Variants in RNF185 observed in about 807,000 individuals in gnomAD.
The protein encoded by RNF185 is E3 ubiquitin-protein ligase RNF185.
In RNF185, 13 loss-of-function variants were observed where a neutral mutation model predicts 24.9. That is an observed-to-expected ratio of 0.52 (90% CI 0.34 to 0.83). The LOEUF (loss-of-function observed/expected upper bound fraction) is 0.83. Among genes scored for constraint, RNF185 ranks in the 40% least tolerant of loss-of-function variants. The probability of loss-of-function intolerance (pLI) is 0.01; values close to 1 mark genes in which losing one functional copy is unlikely to be tolerated. For synonymous variants in RNF185, 79 were observed against 90.3 expected (o/e 0.88, Z 0.71); for missense variants, 184 against 244.7 (o/e 0.75, Z 1.65).
At chr22:31,170,419 T>G (rs1167492005) in intron 1 of RNF185, among the ~76,000 whole-genome samples, 5 of 152,124 alleles carry the variant, frequency 3.3e-5, no homozygotes, top group Non-Finnish European at 4.4e-5. Context: ...TCGATCTCCT[T>G]ACCTTGTGAT....
chr22:31,204,005 C>T (rs967264165), intron 6 of RNF185, among the ~76,000 whole-genome samples: 7 of 147,798 alleles, frequency 4.7e-5, no homozygotes, highest in Non-Finnish European at 8.9e-5. Context: ...CGTGCCATTG[C>T]ACTCCAGCCT....
intron 1 of RNF185, 27 bp from the exon 2 acceptor site, chr22:31,187,020 G>T: frequency 1.4e-6 from 2 of 1,459,032 alleles, no homozygotes; most frequent in Non-Finnish European, 9.3e-7. Flanking sequence ...TGCAGAAATG[G>T]ACAGTCAAGA....
chr22:31,160,503 A>G (rs1923498327), intron 1 of RNF185, among the ~76,000 whole-genome samples, 200 bp downstream of exon 1: 1 of 152,146 alleles, frequency 6.6e-6, no homozygotes, highest in South Asian at 2.1e-4. Flanking sequence ...AGATTGGGGA[A>G]ACTGAGGCCT....
chr22:31,185,122 G>T (rs569840571), intron 1 of RNF185, among the ~76,000 whole-genome samples: 23 of 152,076 alleles, frequency 1.5e-4, no homozygotes, highest in African/African-American at 5.5e-4. Context: ...GTAATATGAA[G>T]AAGAGGAAGG....
intron 1 of RNF185, among the ~76,000 whole-genome samples, chr22:31,183,411 C>G (rs935909692): frequency 2.7e-4 from 40 of 149,802 alleles, no homozygotes; most frequent in African/African-American, 9.1e-4. Flanking sequence ...ATTTATTGAT[C>G]ATTCTTGGGT....
rs1214526965 is a variant in RNF185 at position 31,204,614 on chromosome 22, A to G, written c.*28A>G. On this transcript the variant is annotated 3_prime_UTR_variant, in exon 7 of 7. Transcript: ENST00000326132. Reference sequence around the variant, plus strand: ...CTGGGCTCCTGCCTACATCCGTGGCAGGGCTCTGGACTGGTGACGTGCCAC... The same window carrying G: ...CTGGGCTCCTGCCTACATCCGTGGCGGGGCTCTGGACTGGTGACGTGCCAC... The G allele has an allele frequency of 3.4e-6, 5 of 1,466,604 alleles. No homozygotes were observed. The highest frequency in any genetic ancestry group is 1.1e-5 in the South Asian group (1 of 88,048). The allele number at this position is 1,466,604 out of a possible 1,614,324, so 90.8% of individuals were successfully genotyped here.
At chr22:31,200,914 T>C (rs367845580) in intron 5 of RNF185, among the ~76,000 whole-genome samples, 14 of 152,392 alleles carry the variant, frequency 9.2e-5, no homozygotes, top group African/African-American at 2.9e-4. Flanking sequence ...GTCATGTAGT[T>C]GTGACCACAG....
intron 1 of RNF185, among the ~76,000 whole-genome samples, chr22:31,169,747 C>T (rs1924162955): frequency 3.9e-5 from 6 of 152,146 alleles, no homozygotes; most frequent in Admixed American, 3.9e-4. Flanking sequence ...GGGGTTTTGC[C>T]ATGTTACCCA....
chr22:31,191,060 A>G (rs927505785), intron 2 of RNF185, among the ~76,000 whole-genome samples: 2 of 152,188 alleles, frequency 1.3e-5, no homozygotes, highest in African/African-American at 4.8e-5. Context: ...GTGTAAGTAC[A>G]CTCTGTGATG....
chr22:31,163,880 G>C (rs370240347), intron 1 of RNF185, among the ~76,000 whole-genome samples: 1 of 151,692 alleles, frequency 6.6e-6, no homozygotes, highest in East Asian at 1.9e-4. Flanking sequence ...CACCATGTTG[G>C]CCAGGATGGT....
chr22:31,170,298 C>T (rs1464283445), intron 1 of RNF185, among the ~76,000 whole-genome samples: 2 of 152,126 alleles, frequency 1.3e-5, no homozygotes, highest in African/African-American at 4.8e-5. Context: ...ATGCCATTCT[C>T]CTGCCTCAGC....
intron 1 of RNF185, among the ~76,000 whole-genome samples, chr22:31,183,441 T>C (rs1602820332): frequency 6.6e-6 from 1 of 152,018 alleles, no homozygotes; most frequent in African/African-American, 2.4e-5. Context: ...AGAGGGGGAT[T>C]TGGCAGGGTC....
intron 1 of RNF185, among the ~76,000 whole-genome samples, chr22:31,174,110 T>C (rs1266895255): frequency 6.6e-6 from 1 of 152,218 alleles, no homozygotes; most frequent in Admixed American, 6.5e-5. Flanking sequence ...CTGTTTTATC[T>C]CTATTTCTTA....
At chr22:31,174,971 G>A (rs2047966972) in intron 1 of RNF185, among the ~76,000 whole-genome samples, 1 of 151,932 alleles carries the variant, frequency 6.6e-6, no homozygotes, top group Non-Finnish European at 1.5e-5. Context: ...TACTTGGGAG[G>A]CTGAGATGGG....
At chr22:31,192,845 A>G in intron 3 of RNF185, 143 bp downstream of exon 3, 1 of 719,482 alleles carries the variant, frequency 1.4e-6, no homozygotes, top group East Asian at 2.5e-5. Context: ...CCTTCTTTAC[A>G]TACCTGTCCA....
In RNF185 at chr22:31,193,376, T is replaced by C. The variant is rs79217473; in HGVS notation, c.195+674T>C. Among the ~76,000 whole-genome samples the C allele has an allele frequency of 5.1e-4, 77 of 152,272 alleles. 1 individual carries two copies. The East Asian group carries it at 0.014, about 27-fold the overall frequency. On this transcript the variant is annotated intron_variant, in intron 3 of 6. Coordinates refer to ENST00000326132, the MANE Select transcript of RNF185 (RefSeq NM_152267.4). ...TGGTAGTACATATTGACTATGAGTT[T>C]ATGAAGAACACATAACACATTAAGT...
intron 1 of RNF185, among the ~76,000 whole-genome samples, chr22:31,162,351 C>T (rs1269948784): frequency 6.6e-6 from 1 of 152,106 alleles, no homozygotes; most frequent in South Asian, 2.1e-4. Flanking sequence ...TAGAACTTCT[C>T]GATCTAAAAG....
Position 31,197,000 on chromosome 22 carries a change from A to G in RNF185, c.363+10A>G, listed in dbSNP as rs1406818063. 2 of 1,613,640 alleles carry G rather than the reference A, an allele frequency of 1.2e-6. No individual in the cohort carries two copies. Among genetic ancestry groups the G allele is most frequent in the Non-Finnish European group, 1.7e-6 (2 of 1,179,616 alleles). On this transcript the variant is annotated intron_variant, in intron 5 of 6. Coordinates refer to ENST00000326132, the MANE Select transcript of RNF185 (RefSeq NM_152267.4). ...GCCGGAGAATAGAGGGGTGAGGAACATTCTAGGAGAAGCTTCTACAAATGA... is the reference window on the plus strand; with the variant it reads ...GCCGGAGAATAGAGGGGTGAGGAACGTTCTAGGAGAAGCTTCTACAAATGA...
intron 1 of RNF185, among the ~76,000 whole-genome samples, chr22:31,171,788 G>T (rs939988704): frequency 6.6e-6 from 1 of 151,998 alleles, no homozygotes; most frequent in Non-Finnish European, 1.5e-5. Context: ...GACCAACATG[G>T]AGAAACACCA....
Sources: gnomAD v4.1 joint callset for allele counts (sites outside exome capture counted in the v4.1 genomes callset) on GRCh38, gnomAD v4.1.1 for gene constraint, MANE v1.5 for transcripts, NCBI Gene and HGNC (gene_info 2026-07-23, HGNC 2026-07-21) for gene names.